The following HLTF variants were observed in gnomAD, a reference collection of about 807,000 sequenced individuals.
HLTF encodes helicase like transcription factor.
In HLTF, 127 loss-of-function variants were observed where a neutral mutation model predicts 129.4. The observed-to-expected ratio is 0.98, with a 90% CI of 0.85 to 1.14. HLTF has a LOEUF of 1.14. Among genes scored for constraint, HLTF ranks in the 50% most tolerant of loss-of-function variants. The probability of loss-of-function intolerance (pLI) is 0.00; values close to 1 mark genes in which losing one functional copy is unlikely to be tolerated. For synonymous variants in HLTF, 332 were observed against 388.8 expected (o/e 0.85, Z 1.72); for missense variants, 1,139 against 1,187.1 (o/e 0.96, Z 0.60).
rs925058530 is a variant in HLTF at position 149,031,166 on chromosome 3, AAAG to A, written c.*1051_*1053del. ...GCTTATTAACAAAAAAGTAAAAAAAAAAGAAAAGAAAAAAGATGACTAATTCTA... is the reference window on the plus strand; with the variant it reads ...GCTTATTAACAAAAAAGTAAAAAAAAAAAAGAAAAAAGATGACTAATTCTA... On this transcript the variant is annotated 3_prime_UTR_variant, in exon 25 of 25. Transcript: ENST00000310053. 2.0e-5 allele frequency: 3 copies of A among 152,514 alleles called. No individual in the cohort carries two copies. The highest frequency in any genetic ancestry group is 6.5e-5 in the Admixed American group (1 of 15,284). The allele number at this position is 152,514 out of a possible 1,614,324, so 9.4% of individuals were successfully genotyped here.
At chr3:149,074,984 A>C (rs1719220792) in intron 3 of HLTF, among the ~76,000 whole-genome samples, 1 of 152,168 alleles carries the variant, frequency 6.6e-6, no homozygotes, top group Non-Finnish European at 1.5e-5. Flanking sequence ...AGGTGATAAA[A>C]CTGGGAGAGC....
intron 23 of HLTF, among the ~76,000 whole-genome samples, chr3:149,037,032 G>A (rs1715696709): frequency 6.6e-6 from 1 of 152,070 alleles, no homozygotes; most frequent in Admixed American, 6.5e-5. Flanking sequence ...AATAAAATTT[G>A]GGATTTGTTC....
intron 14 of HLTF, chr3:149,051,922 C>A (rs1412372640): frequency 6.6e-6 from 1 of 150,388 alleles, no homozygotes; most frequent in Non-Finnish European, 1.5e-5. Context: ...CACTGGGAGG[C>A]CGAGGTGGGC....
rs758191302 is a variant in HLTF, at chr3:149,040,022, GTACTT to G, written c.2502+4_2502+8del. ...CAAATACTCAAATATTTGCACATGA[GTACTT>G]TACCTTTGAACTGGATGTCCATTCC... On this transcript the variant is annotated splice_donor_5th_base_variant and intron_variant, in intron 21 of 24. Coordinates refer to ENST00000310053, the MANE Select transcript of HLTF (RefSeq NM_003071.4). 3.1e-6 allele frequency: 5 copies of G among 1,606,078 alleles called. No individual in the cohort carries two copies. Among genetic ancestry groups the G allele is most frequent in the Non-Finnish European group, 4.2e-6 (5 of 1,176,946 alleles).
intron 4 of HLTF, 91 bp from the exon 5 acceptor site, chr3:149,073,413 G>A (rs938585243): frequency 1.1e-6 from 1 of 883,682 alleles, no homozygotes; most frequent in East Asian, 2.6e-5. Flanking sequence ...CATTAACAGG[G>A]CTGGGTGCTG....
At chr3:149,034,845 T>C (rs1715432874) in intron 24 of HLTF, 73 bp downstream of exon 24, 2 of 932,322 alleles carry the variant, frequency 2.1e-6, no homozygotes, top group Non-Finnish European at 3.5e-6. Flanking sequence ...CATAATAATA[T>C]ATTCATGCAT....
At chr3:149,063,051 CTA>C (rs1041322809) in intron 10 of HLTF, 24 of 456,804 alleles carry the variant, frequency 5.3e-5, no homozygotes, top group Middle Eastern at 3.4e-4. Context: ...ATGGTCATCT[CTA>C]TCTCTCTCTT....
At chr3:149,038,971 G>A in intron 23 of HLTF, 78 bp downstream of exon 23, 1 of 781,684 alleles carries the variant, frequency 1.3e-6, no homozygotes, top group Non-Finnish European at 2.0e-6. Flanking sequence ...AACTATGAAG[G>A]TATTTACCAA....
At chr3:149,052,289 A>C (rs4681479) in intron 14 of HLTF, 67,742 of 151,922 alleles carry the variant, frequency 0.45, 16,687 homozygotes, top group African/African-American at 0.68. Flanking sequence ...TTAAAAAATT[A>C]TATGTTGTAT....
chr3:149,052,951 G>T (rs935845017), intron 14 of HLTF, among the ~76,000 whole-genome samples: 1 of 152,156 alleles, frequency 6.6e-6, no homozygotes, highest in African/African-American at 2.4e-5. Context: ...ATGTATGTAT[G>T]TATCATCCTC....
At chr3:149,061,364 T>C (rs995157457) in intron 10 of HLTF, among the ~76,000 whole-genome samples, 7 of 151,484 alleles carry the variant, frequency 4.6e-5, no homozygotes, top group African/African-American at 9.7e-5. Context: ...TGAGCGGAGA[T>C]TGCGCCACTG....
In HLTF at chr3:149,068,322, G is replaced by GT. The variant is rs972668353; in HGVS notation, c.907dup (p.Thr303AsnfsTer12). 57 of 1,485,866 alleles carry GT rather than the reference G, an allele frequency of 3.8e-5. No individual in the cohort carries two copies. Among genetic ancestry groups the GT allele is most frequent in the Non-Finnish European group, 5.2e-5 (56 of 1,074,274 alleles). 92.0% of individuals were successfully genotyped at this position (1,485,866 alleles called of 1,614,324 possible). ...GTTGGTAAGGATTACTGCAATGGCC[G>GT]TAAGAGTTTTACCCTTAAAAATGTT... On this transcript the variant is annotated frameshift_variant, in exon 8 of 25. Transcript: ENST00000310053. LOFTEE classifies it high-confidence loss of function.
chr3:149,073,460 A>G, intron 4 of HLTF, 138 bp from the exon 5 acceptor site: 1 of 611,612 alleles, frequency 1.6e-6, no homozygotes, highest in Non-Finnish European at 2.9e-6. Context: ...TTGGGAGGCC[A>G]AGGCAGGTGG....
chr3:149,054,700 A>C (rs1717279057), intron 14 of HLTF, among the ~76,000 whole-genome samples: 2 of 152,294 alleles, frequency 1.3e-5, no homozygotes, highest in South Asian at 4.1e-4. Context: ...GGAAAAAAAA[A>C]ATTTCTGATG....
chr3:149,073,293 C>T lies in HLTF; in HGVS notation c.559G>A (p.Gly187Ser). 1.2e-6 allele frequency: 2 copies of T among 1,612,372 alleles called. No homozygotes were observed. The highest frequency in any genetic ancestry group is 1.7e-6 in the Non-Finnish European group (2 of 1,178,924). Residue 187 changes from glycine (G) to serine (S), a missense_variant, in exon 5 of 25, where the codon GGC becomes AGC. Transcript: ENST00000310053. The part of the protein sequence containing the change: ...TLGFNLESGW[G>S]SGRAGPSYSM... Reference sequence around the variant, plus strand: ...TAGCTTGGTCCAGCTCTTCCAGAGCCCCAACCACTTTCCAAATTGAATCCT... The same window carrying T: ...TAGCTTGGTCCAGCTCTTCCAGAGCTCCAACCACTTTCCAAATTGAATCCT...
At chr3:149,072,426 A>G (rs1055221297) in intron 5 of HLTF, among the ~76,000 whole-genome samples, 5 of 152,198 alleles carry the variant, frequency 3.3e-5, no homozygotes, top group African/African-American at 1.2e-4. Context: ...ATGACATTCC[A>G]TTTATTATTA....
chr3:149,069,436 T>A (rs1718664727), intron 7 of HLTF, among the ~76,000 whole-genome samples: 1 of 142,464 alleles, frequency 7.0e-6, no homozygotes, highest in Non-Finnish European at 1.5e-5. Context: ...GAACCATTAC[T>A]CCAGCCTGGG....
At chr3:149,053,076 T>C (rs1717130896) in intron 14 of HLTF, among the ~76,000 whole-genome samples, 4 of 152,206 alleles carry the variant, frequency 2.6e-5, no homozygotes, top group African/African-American at 9.6e-5. Flanking sequence ...CCTGGATTAT[T>C]TGAAGACAAA....
At position 149,075,869 on chromosome 3, in the gene HLTF, A is replaced by T. The variant is rs199971777; in HGVS notation, c.395+12T>A. ...TCACAATTATTAAAACTAAATTCTG[A>T]AAGTACATTACCCTTCAATTTGTGC... is the stretch of plus-strand genomic sequence containing the variant. On this transcript the variant is annotated intron_variant, in intron 3 of 24. Transcript: ENST00000310053. The T allele has an allele frequency of 1.9e-6, 3 of 1,567,776 alleles. No individual in the cohort carries two copies. The highest frequency in any genetic ancestry group is 1.7e-6 in the Non-Finnish European group (2 of 1,156,962).
Sources: gnomAD v4.1 joint callset for allele counts (sites outside exome capture counted in the v4.1 genomes callset) on GRCh38, gnomAD v4.1.1 for gene constraint, MANE v1.5 for transcripts, NCBI Gene and HGNC (gene_info 2026-07-23, HGNC 2026-07-21) for gene names.